SDK1: variants seen among roughly 807,000 people sequenced by gnomAD.
The protein encoded by SDK1 is sidekick cell adhesion molecule 1, also known as protein sidekick-1.
A neutral mutation model predicts 245.5 loss-of-function variants in SDK1; 157 were observed. That is an observed-to-expected ratio of 0.64 (90% confidence interval 0.56 to 0.73). SDK1 has a LOEUF of 0.73. Among genes scored for constraint, SDK1 ranks in the 30% least tolerant of loss-of-function variants. SDK1 has a pLI of 0.00. For synonymous variants in SDK1, 1,647 were observed against 1,278.5 expected (o/e 1.29, Z -6.15); for missense variants, 3,583 against 3,002.3 (o/e 1.19, Z -4.52).
chr7:3,816,315 T>C (rs1380596487), intron 4 of SDK1, among the ~76,000 whole-genome samples: 3 of 151,352 alleles, frequency 2.0e-5, no homozygotes, highest in Admixed American at 1.3e-4. Context: ...GAGCTGGTTT[T>C]TTGAAAGGAT....
chr7:4,106,617 A>T (rs1233673153), intron 22 of SDK1, among the ~76,000 whole-genome samples: 1 of 152,160 alleles, frequency 6.6e-6, no homozygotes, highest in Non-Finnish European at 1.5e-5. Context: ...GTGACCGTGC[A>T]GTGGTTTCCC....
intron 1 of SDK1, among the ~76,000 whole-genome samples, chr7:3,371,353 A>C (rs990665327): frequency 6.6e-6 from 1 of 152,162 alleles, no homozygotes; most frequent in Admixed American, 6.5e-5. Flanking sequence ...AAAAATTTCC[A>C]GGATGCAGGG....
chr7:3,486,133 T>C (rs1039657117), intron 1 of SDK1, among the ~76,000 whole-genome samples: 2 of 152,072 alleles, frequency 1.3e-5, no homozygotes, highest in Non-Finnish European at 1.5e-5. Context: ...TCTTCTATGG[T>C]TATTTGGTCT....
At chr7:3,687,806 T>C (rs1378006641) in intron 4 of SDK1, among the ~76,000 whole-genome samples, 2 of 152,134 alleles carry the variant, frequency 1.3e-5, no homozygotes, top group Non-Finnish European at 2.9e-5. Flanking sequence ...GTGTCTTGAC[T>C]GTGTTAATGT....
chr7:3,870,635 C>T (rs190681714), intron 5 of SDK1, among the ~76,000 whole-genome samples: 10 of 152,170 alleles, frequency 6.6e-5, no homozygotes, highest in Non-Finnish European at 1.5e-4. Flanking sequence ...AAAGTTAGCA[C>T]AGAAGGTTCC....
chr7:3,911,921 A>G (rs773931657), intron 5 of SDK1, among the ~76,000 whole-genome samples: 11 of 152,066 alleles, frequency 7.2e-5, no homozygotes, highest in Non-Finnish European at 1.5e-4. Context: ...TGCTGTGGAG[A>G]CGTTTGACTT....
At chr7:3,562,816 C>A (rs1779788136) in intron 1 of SDK1, among the ~76,000 whole-genome samples, 1 of 151,950 alleles carries the variant, frequency 6.6e-6, no homozygotes, top group East Asian at 1.9e-4. Flanking sequence ...TTCAGCTATA[C>A]AAGACCTTAT....
chr7:3,571,410 C>T (rs1450602085), intron 1 of SDK1, among the ~76,000 whole-genome samples: 1 of 151,978 alleles, frequency 6.6e-6, no homozygotes, highest in Non-Finnish European at 1.5e-5. Context: ...TCAAGTGATC[C>T]TCCAGCCTCA....
At chr7:3,416,732 C>G (rs1168459882) in intron 1 of SDK1, among the ~76,000 whole-genome samples, 1 of 152,158 alleles carries the variant, frequency 6.6e-6, no homozygotes, top group Non-Finnish European at 1.5e-5. Flanking sequence ...GCTGTATTCT[C>G]CAGCACATTT....
chr7:3,583,674 C>G (rs1345544681), intron 1 of SDK1, among the ~76,000 whole-genome samples: 1 of 152,002 alleles, frequency 6.6e-6, no homozygotes, highest in East Asian at 1.9e-4. Flanking sequence ...GGAAATAAAA[C>G]AAGTAGTAAG....
At chr7:3,561,067 T>C (rs530358775) in intron 1 of SDK1, among the ~76,000 whole-genome samples, 2 of 152,182 alleles carry the variant, frequency 1.3e-5, no homozygotes, top group African/African-American at 2.4e-5. Context: ...TGAATTTCTT[T>C]CCTTCCCTTC....
At chr7:3,863,172 G>T (rs1427472566) in intron 5 of SDK1, among the ~76,000 whole-genome samples, 2 of 152,086 alleles carry the variant, frequency 1.3e-5, no homozygotes, top group Admixed American at 6.5e-5. Flanking sequence ...GTTCCAGGCT[G>T]GATTATCTAC....
At chr7:4,077,270 G>T in intron 21 of SDK1, 81 bp downstream of exon 21, 1 of 1,378,618 alleles carries the variant, frequency 7.3e-7, no homozygotes, top group South Asian at 1.3e-5. Context: ...TGGCACTTTG[G>T]TGTGGAAGCC....
At chr7:3,952,406 C>A (rs982209781) in intron 7 of SDK1, among the ~76,000 whole-genome samples, 9 of 152,172 alleles carry the variant, frequency 5.9e-5, no homozygotes, top group African/African-American at 2.2e-4. Context: ...TGGTGAAATC[C>A]CGCCCGTCTC....
intron 4 of SDK1, among the ~76,000 whole-genome samples, chr7:3,666,328 C>T (rs190237777): frequency 8.5e-5 from 13 of 152,334 alleles, no homozygotes; most frequent in Admixed American, 8.5e-4. Flanking sequence ...GTCCCAGCTG[C>T]CCCAGGTCTC....
intron 5 of SDK1, among the ~76,000 whole-genome samples, chr7:3,859,217 A>C (rs562626401): frequency 6.6e-6 from 1 of 152,188 alleles, no homozygotes; most frequent in South Asian, 2.1e-4. Flanking sequence ...AGGGCTCGGC[A>C]GGTGATGGTT....
In SDK1 at chr7:3,979,713, G is replaced by A. The variant is rs117800247; in HGVS notation, c.1994+5168G>A. 4.3e-4 allele frequency among the ~76,000 whole-genome samples: 66 copies of A among 152,264 alleles called. 1 individual carries two copies. In the East Asian group the frequency reaches 9.3e-3, roughly 21 times the overall value. On this transcript the variant is annotated intron_variant, in intron 13 of 44. Coordinates refer to ENST00000404826, the MANE Select transcript of SDK1 (RefSeq NM_152744.4). Reference sequence around the variant, plus strand: ...GCTGGTCACCCCTTGTTTTAGTAGCGTCTTTGCTCTAGTTTTCTAGTGCCA... The same window carrying A: ...GCTGGTCACCCCTTGTTTTAGTAGCATCTTTGCTCTAGTTTTCTAGTGCCA...
chr7:3,609,474 C>G (rs757610775), intron 1 of SDK1, among the ~76,000 whole-genome samples: 89 of 152,256 alleles, frequency 5.8e-4, no homozygotes, highest in Non-Finnish European at 9.3e-4. Flanking sequence ...GATCTCTGCT[C>G]ACTGCAATCT....
At chr7:3,309,442 A>G (rs2128542882) in intron 1 of SDK1, among the ~76,000 whole-genome samples, 1 of 151,886 alleles carries the variant, frequency 6.6e-6, no homozygotes, top group East Asian at 1.9e-4. Flanking sequence ...TTTCTGGCTA[A>G]GAGCAAGGCG....
Sources: gnomAD v4.1 joint callset for allele counts (sites outside exome capture counted in the v4.1 genomes callset) on GRCh38, gnomAD v4.1.1 for gene constraint, MANE v1.5 for transcripts, NCBI Gene and HGNC (gene_info 2026-07-23, HGNC 2026-07-21) for gene names.